The following NAV2 variants were observed in gnomAD, a reference collection of about 807,000 sequenced individuals.
NAV2 encodes neuron navigator 2.
A neutral mutation model predicts 223.2 loss-of-function variants in NAV2; 54 were observed. The observed-to-expected ratio is 0.24, with a 90% CI of 0.19 to 0.30. The LOEUF is 0.30. Ranked by LOEUF, NAV2 falls within the 10% of genes least tolerant of loss-of-function variation. NAV2 has a pLI of 1.00. For missense variants in NAV2, 2,806 were observed against 3,147.5 expected (o/e 0.89, Z 2.60); for synonymous variants, 1,279 against 1,239.3 (o/e 1.03, Z -0.67).
intron 5 of NAV2, among the ~76,000 whole-genome samples, chr11:19,888,470 C>A (rs1297959099): frequency 2.0e-5 from 3 of 152,174 alleles, no homozygotes; most frequent in Non-Finnish European, 4.4e-5. Context: ...TAGACATTCC[C>A]ATGATACACA....
At chr11:19,801,277 C>T (rs550917969) in intron 1 of NAV2, among the ~76,000 whole-genome samples, 1 of 152,210 alleles carries the variant, frequency 6.6e-6, no homozygotes, top group Non-Finnish European at 1.5e-5. Flanking sequence ...GGTGGTGCGG[C>T]CTGCCCCCTG....
chr11:19,992,745 G>A (rs1045882549), intron 11 of NAV2, among the ~76,000 whole-genome samples: 7 of 151,978 alleles, frequency 4.6e-5, no homozygotes, highest in Non-Finnish European at 5.9e-5. Context: ...ACACCACCAT[G>A]CCCAGCTAAT....
intron 11 of NAV2, among the ~76,000 whole-genome samples, chr11:19,987,306 C>T (rs1204108102): frequency 6.6e-6 from 1 of 152,152 alleles, no homozygotes; most frequent in South Asian, 2.1e-4. Flanking sequence ...ACCTGAAAAT[C>T]GAAGGTCCCA....
chr11:19,696,709 T>C (rs1409738429), intron 1 of NAV2, among the ~76,000 whole-genome samples: 2 of 152,236 alleles, frequency 1.3e-5, no homozygotes, highest in African/African-American at 4.8e-5. Context: ...ATTCATCCAC[T>C]CAAAAACTAT....
At chr11:19,457,697 T>C (rs576315978) in intron 1 of NAV2, among the ~76,000 whole-genome samples, 19 of 152,292 alleles carry the variant, frequency 1.2e-4, no homozygotes, top group Non-Finnish European at 2.4e-4. Flanking sequence ...CAGTCATCCC[T>C]GCAGGAGATG....
intron 1 of NAV2, among the ~76,000 whole-genome samples, chr11:19,386,134 C>G (rs1849034805): frequency 6.6e-6 from 1 of 152,198 alleles, no homozygotes. Context: ...TTAAATTGTA[C>G]TTTGACATGG....
intron 1 of NAV2, among the ~76,000 whole-genome samples, chr11:19,363,961 G>T (rs1459989789): frequency 6.6e-6 from 1 of 152,210 alleles, no homozygotes; most frequent in African/African-American, 2.4e-5. Flanking sequence ...ACTTCCCTGT[G>T]TTCTTCAACC....
At chr11:19,596,019 G>GT (rs59999450) in intron 1 of NAV2, among the ~76,000 whole-genome samples, 3,218 of 150,002 alleles carry the variant, frequency 0.021, 131 homozygotes, top group African/African-American at 0.074. Context: ...GAAATTTTCT[G>GT]TTTTTTTTAT....
At chr11:19,512,292 T>C (rs772187891) in intron 1 of NAV2, among the ~76,000 whole-genome samples, 5 of 152,164 alleles carry the variant, frequency 3.3e-5, no homozygotes, top group Non-Finnish European at 5.9e-5. Flanking sequence ...GTGAAACTCA[T>C]AGCTGGCAGT....
chr11:19,816,477 T>C (rs1422353069), intron 1 of NAV2, among the ~76,000 whole-genome samples: 3 of 152,222 alleles, frequency 2.0e-5, no homozygotes, highest in African/African-American at 7.2e-5. Flanking sequence ...CCGTTACCCC[T>C]CCCTGAGTAC....
intron 1 of NAV2, among the ~76,000 whole-genome samples, chr11:19,683,441 A>G (rs889248628): frequency 6.6e-6 from 1 of 152,242 alleles, no homozygotes; most frequent in African/African-American, 2.4e-5. Context: ...TTTATGGGTC[A>G]TAATTTGGTA....
rs1416514615 is a variant in NAV2 at position 20,073,946 on chromosome 11, G to A, written c.4984-3606G>A. On this transcript the variant is annotated intron_variant, in intron 22 of 37. Coordinates refer to ENST00000349880, the MANE Select transcript of NAV2 (RefSeq NM_145117.5). ...TCTCTATCTCCTTCAGTTCTGCTCT[G>A]ATCTTAGTTATTTCTTGTCTTCTGC... Among the ~76,000 whole-genome samples, 6 of 152,068 alleles carry A rather than the reference G, an allele frequency of 3.9e-5. No individual in the cohort carries two copies. The South Asian group carries it at 1.0e-3, about 26-fold the overall frequency.
intron 35 of NAV2, 71 bp downstream of exon 35, chr11:20,105,798 G>A (rs1592175075): frequency 7.9e-7 from 1 of 1,260,384 alleles, no homozygotes; most frequent in Non-Finnish European, 1.1e-6. Context: ...CCCTGGCCAG[G>A]ACAGCACTTT....
intron 19 of NAV2, among the ~76,000 whole-genome samples, chr11:20,059,285 A>ACTAG (rs1214508761): frequency 6.6e-6 from 1 of 152,106 alleles, no homozygotes; most frequent in Non-Finnish European, 1.5e-5. Context: ...TCTGCTCCTG[A>ACTAG]CTAGCTGTGT....
chr11:19,634,399 T>C (rs111469423), intron 1 of NAV2, among the ~76,000 whole-genome samples: 4,115 of 152,280 alleles, frequency 0.027, 169 homozygotes, highest in African/African-American at 0.084. Context: ...TTGGGCTTAA[T>C]TCCTGGGTGA....
chr11:19,488,541 T>C (rs2042522881), intron 1 of NAV2, among the ~76,000 whole-genome samples: 1 of 152,166 alleles, frequency 6.6e-6, no homozygotes, highest in Non-Finnish European at 1.5e-5. Flanking sequence ...GCATCTCACT[T>C]TTGTCCTTCC....
intron 11 of NAV2, among the ~76,000 whole-genome samples, chr11:20,011,092 T>C (rs768561026): frequency 2.9e-4 from 44 of 152,200 alleles, no homozygotes; most frequent in Non-Finnish European, 5.0e-4. Flanking sequence ...TTCTTGCTGT[T>C]AGGCCATCAA....
chr11:19,540,515 G>T (rs764627538), intron 1 of NAV2, among the ~76,000 whole-genome samples: 9 of 152,158 alleles, frequency 5.9e-5, no homozygotes, highest in Non-Finnish European at 8.8e-5. Context: ...GCAGCCTAAA[G>T]TAAGTCACAC....
chr11:20,011,170 C>T (rs969704951), intron 11 of NAV2, among the ~76,000 whole-genome samples: 1 of 152,084 alleles, frequency 6.6e-6, no homozygotes, highest in African/African-American at 2.4e-5. Context: ...CCTGGCCTGA[C>T]CCATAGCTTT....
Sources: gnomAD v4.1 joint callset for allele counts (sites outside exome capture counted in the v4.1 genomes callset) on GRCh38, gnomAD v4.1.1 for gene constraint, MANE v1.5 for transcripts, NCBI Gene and HGNC (gene_info 2026-07-23, HGNC 2026-07-21) for gene names.